Variants in DLG2 observed in about 807,000 individuals in gnomAD.
The protein encoded by DLG2 is disks large homolog 2.
In DLG2, 45 loss-of-function variants were observed where a neutral mutation model predicts 132.5. That is an observed-to-expected ratio of 0.34 (90% CI 0.27 to 0.44). The LOEUF (loss-of-function observed/expected upper bound fraction) is 0.44, where lower values mean the gene tolerates loss of function less well. Among genes scored for constraint, DLG2 ranks in the 20% least tolerant of loss-of-function variants. DLG2 has a pLI of 1.00. For missense variants in DLG2, 1,045 were observed against 1,196.9 expected (o/e 0.87, Z 1.87); for synonymous variants, 424 against 419.6 (o/e 1.01, Z -0.13).
intron 17 of DLG2, among the ~76,000 whole-genome samples, chr11:83,795,544 T>C (rs977907185): frequency 2.0e-5 from 3 of 152,180 alleles, no homozygotes; most frequent in African/African-American, 7.2e-5. Flanking sequence ...TGGTAATGAA[T>C]AGAAATTTGA....
At chr11:84,839,959 G>A (rs963007273) in intron 6 of DLG2, among the ~76,000 whole-genome samples, 1 of 152,026 alleles carries the variant, frequency 6.6e-6, no homozygotes, top group African/African-American at 2.4e-5. Flanking sequence ...AACACCAAAA[G>A]CAATGGCAAC....
At chr11:85,479,199 CT>C (rs1219095095) in intron 3 of DLG2, among the ~76,000 whole-genome samples, 2 of 152,218 alleles carry the variant, frequency 1.3e-5, no homozygotes, top group African/African-American at 4.8e-5. Flanking sequence ...AAGACTCTGA[CT>C]TATGAACAAT....
At chr11:83,714,082 A>G (rs1188739596) in intron 18 of DLG2, among the ~76,000 whole-genome samples, 1 of 152,202 alleles carries the variant, frequency 6.6e-6, no homozygotes, top group African/African-American at 2.4e-5. Context: ...CTTGATTCCA[A>G]AGCAACTGTT....
At chr11:84,907,412 GGGAGT>G (rs1403995146) in intron 6 of DLG2, among the ~76,000 whole-genome samples, 1 of 152,110 alleles carries the variant, frequency 6.6e-6, no homozygotes, top group African/African-American at 2.4e-5. Context: ...GGACATCAAA[GGGAGT>G]CTGTGAGAGT....
At chr11:85,274,218 C>T (rs932422075) in intron 4 of DLG2, among the ~76,000 whole-genome samples, 15 of 152,230 alleles carry the variant, frequency 9.9e-5, no homozygotes, top group South Asian at 8.3e-4. Flanking sequence ...CAAACCTGCA[C>T]GCTGTGCACA....
At chr11:84,574,068 C>T (rs1193629879) in intron 6 of DLG2, among the ~76,000 whole-genome samples, 3 of 152,174 alleles carry the variant, frequency 2.0e-5, no homozygotes, top group Non-Finnish European at 4.4e-5. Context: ...AGTGACAGAA[C>T]TGAGACTCCA....
intron 11 of DLG2, among the ~76,000 whole-genome samples, chr11:83,999,420 C>A (rs978914945): frequency 6.6e-6 from 1 of 152,114 alleles, no homozygotes; most frequent in Admixed American, 6.6e-5. Context: ...CACTCAGGAC[C>A]TAGAGGGTTG....
intron 6 of DLG2, among the ~76,000 whole-genome samples, chr11:84,925,260 G>A (rs1045955366): frequency 1.4e-4 from 21 of 152,124 alleles, no homozygotes; most frequent in Admixed American, 2.6e-4. Flanking sequence ...AGAACAGCTC[G>A]CAAGCAAGGA....
intron 4 of DLG2, among the ~76,000 whole-genome samples, chr11:85,275,492 G>T (rs2077831513): frequency 6.6e-6 from 1 of 152,014 alleles, no homozygotes; most frequent in Non-Finnish European, 1.5e-5. Flanking sequence ...GAGAATACTA[G>T]TATATGTGAA....
At chr11:85,106,494 G>T (rs2071779148) in intron 6 of DLG2, among the ~76,000 whole-genome samples, 1 of 151,888 alleles carries the variant, frequency 6.6e-6, no homozygotes, top group Non-Finnish European at 1.5e-5. Flanking sequence ...GTCTAAATGA[G>T]TACCCCTGAT....
At chr11:84,002,707 C>T (rs1393492020) in intron 11 of DLG2, among the ~76,000 whole-genome samples, 1 of 152,082 alleles carries the variant, frequency 6.6e-6, no homozygotes, top group Non-Finnish European at 1.5e-5. Flanking sequence ...TTTTTTTCTC[C>T]TAGGCCTCCA....
intron 4 of DLG2, among the ~76,000 whole-genome samples, chr11:85,185,111 G>A (rs1193663807): frequency 6.6e-6 from 1 of 151,710 alleles, no homozygotes; most frequent in Non-Finnish European, 1.5e-5. Context: ...TTTATATTGT[G>A]AGCATTTGTA....
intron 7 of DLG2, among the ~76,000 whole-genome samples, chr11:84,496,311 G>A (rs538721632): frequency 6.6e-6 from 1 of 152,280 alleles, no homozygotes; most frequent in Admixed American, 6.5e-5. Flanking sequence ...TGAGAAATGT[G>A]TTATCATATA....
intron 7 of DLG2, among the ~76,000 whole-genome samples, chr11:84,371,517 G>A (rs1449838326): frequency 6.6e-6 from 1 of 151,980 alleles, no homozygotes; most frequent in African/African-American, 2.4e-5. Flanking sequence ...CAAACTGCTG[G>A]AGTTACAGCT....
intron 6 of DLG2, among the ~76,000 whole-genome samples, chr11:84,965,909 C>T (rs528047222): frequency 2.7e-4 from 41 of 152,146 alleles, no homozygotes; most frequent in African/African-American, 6.0e-4. Context: ...AGGAAAGATA[C>T]GAGTCTTCTA....
intron 11 of DLG2, among the ~76,000 whole-genome samples, chr11:84,034,154 C>A (rs1430243472): frequency 1.3e-5 from 2 of 151,946 alleles, no homozygotes; most frequent in East Asian, 3.9e-4. Flanking sequence ...TCAGCAACCA[C>A]CACCCTGATC....
chr11:83,921,578 G>A (rs928813519), intron 15 of DLG2, among the ~76,000 whole-genome samples: 1 of 152,086 alleles, frequency 6.6e-6, no homozygotes, highest in South Asian at 2.1e-4. Context: ...TAATATCTAC[G>A]CAATGGGTGT....
chr11:84,732,265 T>C (rs761208809), intron 6 of DLG2, among the ~76,000 whole-genome samples: 3 of 152,116 alleles, frequency 2.0e-5, no homozygotes, highest in Non-Finnish European at 2.9e-5. Flanking sequence ...CATGAACTGA[T>C]ATATTTCCTT....
chr11:83,561,883 CTTTTTTTTTTTTTT>C (rs66514406), intron 19 of DLG2, among the ~76,000 whole-genome samples: 2 of 87,966 alleles, frequency 2.3e-5, no homozygotes, highest in African/African-American at 9.2e-5. Flanking sequence ...GTATTTCTTT[CTTTTTTTTTTTTTT>C]TTTTTTTTTT....
Sources: allele counts gnomAD v4.1 joint callset (sites outside exome capture counted in the v4.1 genomes callset), GRCh38; gene constraint gnomAD v4.1.1; transcripts MANE v1.5; gene names NCBI Gene and HGNC (gene_info 2026-07-23, HGNC 2026-07-21).